Variants in TENM3 observed in about 807,000 individuals in gnomAD.
The protein encoded by TENM3 is teneurin-3.
TENM3 carries 63 observed loss-of-function variants against 255.1 expected under a neutral mutation model. The ratio of observed to expected loss-of-function variants is 0.25; its 90% CI spans 0.20 to 0.30. TENM3 has a LOEUF of 0.30. TENM3 is among the 10% of genes least tolerant of loss of function. The pLI, the probability that TENM3 is intolerant of heterozygous loss-of-function variation, is 1.00. For synonymous variants in TENM3, 1,306 were observed against 1,322.3 expected, an observed-to-expected ratio of 0.99 and a Z score of 0.27; for missense variants, 2,929 against 3,461.1, an observed-to-expected ratio of 0.85 and a Z score of 3.86.
chr4:181,554,269 G>T, the TENM3 span, among the ~76,000 whole-genome samples: 1 of 152,104 alleles, frequency 6.6e-6, no homozygotes, highest in African/African-American at 2.4e-5. Flanking sequence ...GAAAAGCTGC[G>T]GGCGGTGTCT....
chr4:182,267,277 C>G (rs1759303030), intron 1 of TENM3, among the ~76,000 whole-genome samples: 1 of 152,138 alleles, frequency 6.6e-6, no homozygotes, highest in Non-Finnish European at 1.5e-5. Flanking sequence ...TACCTAATTT[C>G]TCCAGAATTT....
the TENM3 span, among the ~76,000 whole-genome samples, chr4:181,844,561 G>T: frequency 2.0e-5 from 3 of 151,818 alleles, no homozygotes; most frequent in Non-Finnish European, 4.4e-5. Context: ...CCAGCTACTC[G>T]GGAGGCTGAG....
At chr4:181,564,807 T>G in the TENM3 span, among the ~76,000 whole-genome samples, 4 of 152,210 alleles carry the variant, frequency 2.6e-5, no homozygotes, top group Non-Finnish European at 5.9e-5. Context: ...TAAGCCGCAG[T>G]ATCCTGCTGT....
chr4:181,474,228 T>C, the TENM3 span, among the ~76,000 whole-genome samples: 2 of 152,036 alleles, frequency 1.3e-5, no homozygotes, highest in Admixed American at 6.5e-5. Flanking sequence ...GACAGGTTGA[T>C]GGGTGCAGCA....
intron 3 of TENM3, among the ~76,000 whole-genome samples, chr4:182,371,396 C>T (rs1205712997): frequency 6.6e-6 from 1 of 152,088 alleles, no homozygotes; most frequent in Non-Finnish European, 1.5e-5. Flanking sequence ...TGTTAAAAAC[C>T]GTGGTGTCTG....
At chr4:182,787,360 A>G (rs117687356) in intron 24 of TENM3, among the ~76,000 whole-genome samples, 1 of 152,176 alleles carries the variant, frequency 6.6e-6, no homozygotes, top group Admixed American at 6.5e-5. Context: ...TCCTCCCCCA[A>G]CCACCACTCC....
chr4:181,701,059 AGTTCATTAGTGGAG>A, the TENM3 span, among the ~76,000 whole-genome samples: 1 of 152,172 alleles, frequency 6.6e-6, no homozygotes. Flanking sequence ...GGCTACCTAC[AGTTCATTAGTGGAG>A]GCAGCATCGT....
Position 182,506,255 on chromosome 4 carries a change from C to T in TENM3, c.512-94669C>T, listed in dbSNP as rs144983768. Among the ~76,000 whole-genome samples, 79 of 152,222 alleles carry T rather than the reference C, an allele frequency of 5.2e-4. 1 individual carries two copies. The highest frequency in any genetic ancestry group is 3.3e-3 in the East Asian group (17 of 5,176). ...ATTGTTTTTGTTTTTGTTCTGAAGA[C>T]GCTTGCTACTTTTGAAATGTTTTCC... On this transcript the variant is annotated intron_variant, in intron 3 of 27. Coordinates refer to ENST00000511685, the MANE Select transcript of TENM3 (RefSeq NM_001080477.4).
chr4:181,652,043 A>T, the TENM3 span, among the ~76,000 whole-genome samples: 1 of 151,990 alleles, frequency 6.6e-6, no homozygotes, highest in Non-Finnish European at 1.5e-5. Context: ...TCTAATGTAA[A>T]ATCATTATTT....
chr4:182,153,602 C>T (rs1259330502), intron 1 of TENM3, among the ~76,000 whole-genome samples: 1 of 152,118 alleles, frequency 6.6e-6, no homozygotes, highest in Non-Finnish European at 1.5e-5. Context: ...TTCAGCTCCA[C>T]TATGCAGTTG....
chr4:181,466,263 A>G, the TENM3 span, among the ~76,000 whole-genome samples: 4 of 151,900 alleles, frequency 2.6e-5, no homozygotes, highest in East Asian at 5.8e-4. Context: ...GATTACAGGC[A>G]TGCAACACCA....
At chr4:182,289,588 G>A (rs1229559242) in intron 1 of TENM3, among the ~76,000 whole-genome samples, 2 of 151,816 alleles carry the variant, frequency 1.3e-5, no homozygotes, top group Non-Finnish European at 2.9e-5. Flanking sequence ...AAAAGTTAAA[G>A]TTTGAGCTTA....
chr4:181,575,241 C>G, the TENM3 span, among the ~76,000 whole-genome samples: 83 of 152,202 alleles, frequency 5.5e-4, no homozygotes, highest in African/African-American at 1.8e-3. Context: ...TACATCTCCA[C>G]TAAAAACTTT....
intron 1 of TENM3, among the ~76,000 whole-genome samples, chr4:182,300,091 T>A (rs1461401039): frequency 4.6e-5 from 7 of 152,092 alleles, no homozygotes. Context: ...AATTTCTGTA[T>A]TTTTAGTAGA....
At chr4:181,546,101 G>T in the TENM3 span, among the ~76,000 whole-genome samples, 1 of 152,174 alleles carries the variant, frequency 6.6e-6, no homozygotes, top group African/African-American at 2.4e-5. Flanking sequence ...AAGGTCTTGC[G>T]TTCTTATGCA....
the TENM3 span, among the ~76,000 whole-genome samples, chr4:181,923,004 T>C: frequency 3.3e-5 from 5 of 152,320 alleles, no homozygotes; most frequent in African/African-American, 9.6e-5. Flanking sequence ...CCAGTAGTCA[T>C]TCAGGAGCAG....
chr4:181,834,321 T>G, the TENM3 span, among the ~76,000 whole-genome samples: 1 of 152,224 alleles, frequency 6.6e-6, no homozygotes, highest in African/African-American at 2.4e-5. Context: ...CCCAACTTAT[T>G]CAACTAAATC....
intron 6 of TENM3, among the ~76,000 whole-genome samples, chr4:182,665,808 A>G (rs1312721370): frequency 1.3e-5 from 2 of 152,132 alleles, no homozygotes; most frequent in East Asian, 3.9e-4. Context: ...AGGCAGGAGA[A>G]TGGCATGAAC....
chr4:182,327,912 T>C (rs891054752), intron 2 of TENM3, among the ~76,000 whole-genome samples: 6 of 152,260 alleles, frequency 3.9e-5, no homozygotes, highest in African/African-American at 1.2e-4. Context: ...ATTTTTCCTC[T>C]GCTGCAGCTC....
Sources: allele counts gnomAD v4.1 joint callset (sites outside exome capture counted in the v4.1 genomes callset), GRCh38; gene constraint gnomAD v4.1.1; transcripts MANE v1.5; gene names NCBI Gene and HGNC (gene_info 2026-07-23, HGNC 2026-07-21).